The following STK32B variants were observed in gnomAD, a reference collection of about 807,000 sequenced individuals.
STK32B encodes serine/threonine kinase 32B.
STK32B carries 43 observed loss-of-function variants against 52.6 expected under a neutral mutation model. That is an observed-to-expected ratio of 0.82 (90% CI 0.64 to 1.05). The LOEUF (loss-of-function observed/expected upper bound fraction) is 1.05, where lower values mean the gene tolerates loss of function less well. Ranked by LOEUF, STK32B falls within the 50% of genes least tolerant of loss-of-function variation. The pLI is 0.00. For synonymous variants in STK32B, 238 were observed against 204.3 expected, an observed-to-expected ratio of 1.17 and a Z score of -1.41; for missense variants, 621 against 534.6, an observed-to-expected ratio of 1.16 and a Z score of -1.59.
chr4:5,027,824 G>A, the STK32B span, among the ~76,000 whole-genome samples: 48 of 152,238 alleles, frequency 3.2e-4, no homozygotes, highest in African/African-American at 5.5e-4. Context: ...CTATGCTGTC[G>A]TTGCCAGCAG....
chr4:5,237,037 A>G (rs1724686895), intron 3 of STK32B, among the ~76,000 whole-genome samples: 1 of 152,306 alleles, frequency 6.6e-6, no homozygotes, highest in South Asian at 2.1e-4. Context: ...AAGCTCTCTG[A>G]TGAACTTGGT....
In STK32B at chr4:5,316,950, GTATGATATAATATATATAAT is replaced by G. The variant is rs1730943799; in HGVS notation, c.261-14269_261-14250del. On this transcript the variant is annotated intron_variant, in intron 3 of 11. Coordinates refer to ENST00000282908, the MANE Select transcript of STK32B (RefSeq NM_018401.3). ...ATATAATATATATAATATATAATAT[GTATGATATAATATATATAAT>G]ATATATAATATATAATATATATGAT... 1.7e-3 allele frequency among the ~76,000 whole-genome samples: 6 copies of G among 3,520 alleles called. 1 individual carries two copies. The East Asian group carries it at 0.075, about 44-fold the overall frequency. The allele number at this position is 3,520 out of a possible 152,430, so 2.3% of individuals were successfully genotyped here.
intron 3 of STK32B, 64 bp downstream of exon 3, chr4:5,168,514 C>T (rs1719071227): frequency 2.0e-6 from 3 of 1,531,356 alleles, no homozygotes; most frequent in East Asian, 2.3e-5. Flanking sequence ...GCAAATTCGC[C>T]TCTGCTAGAG....
chr4:5,046,288 G>T, the STK32B span, among the ~76,000 whole-genome samples: 1 of 152,150 alleles, frequency 6.6e-6, no homozygotes, highest in South Asian at 2.1e-4. Flanking sequence ...TTCAATAAAT[G>T]GTGCTGGGAA....
intron 3 of STK32B, among the ~76,000 whole-genome samples, chr4:5,327,981 C>A (rs1731988651): frequency 6.6e-6 from 1 of 152,238 alleles, no homozygotes; most frequent in Admixed American, 6.5e-5. Flanking sequence ...TCCATCAACA[C>A]CTGCTGCTTC....
intron 3 of STK32B, among the ~76,000 whole-genome samples, chr4:5,208,686 A>G (rs946564580): frequency 2.0e-5 from 3 of 151,936 alleles, no homozygotes; most frequent in African/African-American, 7.3e-5. Flanking sequence ...GTCATCCTCA[A>G]TGCCACTGAT....
chr4:5,369,938 C>T (rs984159074), intron 4 of STK32B, among the ~76,000 whole-genome samples: 6 of 151,480 alleles, frequency 4.0e-5, no homozygotes, highest in African/African-American at 1.5e-4. Context: ...TGCAGTGGCA[C>T]GATTTCTGCT....
At chr4:5,286,509 T>C (rs78747627) in intron 3 of STK32B, among the ~76,000 whole-genome samples, 3,268 of 152,294 alleles carry the variant, frequency 0.021, 125 homozygotes, top group African/African-American at 0.074. Context: ...TTTTTAATGT[T>C]AAAACTTAGT....
At chr4:5,093,342 T>C (rs541297656) in intron 1 of STK32B, among the ~76,000 whole-genome samples, 1 of 152,294 alleles carries the variant, frequency 6.6e-6, no homozygotes, top group East Asian at 1.9e-4. Context: ...CTGTATTAAA[T>C]AGTAACTGCA....
intron 2 of STK32B, among the ~76,000 whole-genome samples, chr4:5,144,750 C>T (rs1406579151): frequency 1.3e-5 from 2 of 151,858 alleles, no homozygotes; most frequent in Admixed American, 6.6e-5. Context: ...TAAAATCAGG[C>T]AGCTTAGGTT....
chr4:5,452,958 G>T (rs946265687), intron 7 of STK32B, among the ~76,000 whole-genome samples: 3 of 152,050 alleles, frequency 2.0e-5, no homozygotes, highest in African/African-American at 7.2e-5. Flanking sequence ...AGAGAACTCA[G>T]CATCAGTACA....
chr4:5,052,476 C>G (rs977540313), intron 1 of STK32B, among the ~76,000 whole-genome samples: 10 of 152,072 alleles, frequency 6.6e-5, no homozygotes, highest in Admixed American at 5.9e-4. Context: ...GCAGCCTCCC[C>G]CTGGCGCAGA....
intron 2 of STK32B, among the ~76,000 whole-genome samples, chr4:5,141,749 T>C (rs1170926327): frequency 6.6e-6 from 1 of 152,146 alleles, no homozygotes; most frequent in East Asian, 1.9e-4. Context: ...TCCATAGGTA[T>C]AGGGGGTCTC....
chr4:5,190,126 C>G (rs1721062403), intron 3 of STK32B, among the ~76,000 whole-genome samples: 1 of 152,162 alleles, frequency 6.6e-6, no homozygotes, highest in Non-Finnish European at 1.5e-5. Flanking sequence ...CCTCTAAACC[C>G]AAAAGAAATG....
intron 9 of STK32B, among the ~76,000 whole-genome samples, chr4:5,464,747 G>C (rs1214895301): frequency 1.3e-5 from 2 of 152,156 alleles, no homozygotes; most frequent in African/African-American, 4.8e-5. Context: ...ACTTGCCCAA[G>C]ATTTCTCAGT....
At chr4:5,383,245 T>C (rs1402723393) in intron 4 of STK32B, among the ~76,000 whole-genome samples, 1 of 152,106 alleles carries the variant, frequency 6.6e-6, no homozygotes, top group Non-Finnish European at 1.5e-5. Context: ...CACATACGTA[T>C]TCATGCTGTG....
intron 11 of STK32B, among the ~76,000 whole-genome samples, chr4:5,480,069 T>C (rs967946492): frequency 6.6e-6 from 1 of 152,214 alleles, no homozygotes; most frequent in Non-Finnish European, 1.5e-5. Context: ...ATGTTAAGCA[T>C]TTAACAGCCT....
intron 11 of STK32B, among the ~76,000 whole-genome samples, chr4:5,475,243 A>AAC (rs1315182192): frequency 6.6e-6 from 1 of 151,864 alleles, no homozygotes; most frequent in Non-Finnish European, 1.5e-5. Flanking sequence ...AACATGGTGA[A>AAC]ACCCCCATCT....
Position 5,413,914 on chromosome 4 carries a change from T to C in STK32B, c.473-2931T>C, listed in dbSNP as rs77531948. ...ATTCTGTTTATAGTGCCATCAATTA[T>C]AACTTTTTGGAACATAATATGCGTA... On this transcript the variant is annotated intron_variant, in intron 5 of 11. Coordinates refer to ENST00000282908, the MANE Select transcript of STK32B (RefSeq NM_018401.3). 5.1e-3 allele frequency among the ~76,000 whole-genome samples: 779 copies of C among 152,334 alleles called. 23 individuals are homozygous for C. In the East Asian group the frequency reaches 0.073, roughly 14 times the overall value.
Sources: allele counts gnomAD v4.1 joint callset (sites outside exome capture counted in the v4.1 genomes callset), GRCh38; gene constraint gnomAD v4.1.1; transcripts MANE v1.5; gene names NCBI Gene and HGNC (gene_info 2026-07-23, HGNC 2026-07-21).